TSPAN12: variants seen among roughly 807,000 people sequenced by gnomAD.
TSPAN12 encodes tetraspanin-12.
TSPAN12 carries 19 observed loss-of-function variants against 39.2 expected under a neutral mutation model. The observed-to-expected ratio is 0.49, with a 90% CI of 0.34 to 0.71. The LOEUF (loss-of-function observed/expected upper bound fraction) is 0.71, where lower values mean the gene tolerates loss of function less well. TSPAN12 is among the 30% of genes least tolerant of loss of function. The pLI is 0.01. For synonymous variants in TSPAN12, 119 were observed against 124.8 expected, an observed-to-expected ratio of 0.95 and a Z score of 0.31; for missense variants, 314 against 359.9, an observed-to-expected ratio of 0.87 and a Z score of 1.03.
chr7:120,844,360 C>G (rs1794633838), intron 2 of TSPAN12, among the ~76,000 whole-genome samples: 1 of 152,162 alleles, frequency 6.6e-6, no homozygotes. Flanking sequence ...AACAGTCCCC[C>G]AAAGTCTTAC....
At chr7:120,794,322 C>T (rs1793589773) in intron 7 of TSPAN12, among the ~76,000 whole-genome samples, 1 of 152,146 alleles carries the variant, frequency 6.6e-6, no homozygotes, top group African/African-American at 2.4e-5. Context: ...TTTGTCCCCA[C>T]CCAAGTCTCA....
intron 5 of TSPAN12, among the ~76,000 whole-genome samples, chr7:120,812,055 A>G (rs2116372036): frequency 6.6e-6 from 1 of 152,344 alleles, no homozygotes; most frequent in Admixed American, 6.5e-5. Flanking sequence ...ATTGAAATAA[A>G]AAAATTAAAA....
Position 120,838,870 on chromosome 7 carries a change from A to G in TSPAN12, c.192T>C (p.His64=), listed in dbSNP as rs780677498. 1.2e-6 allele frequency: 2 copies of G among 1,614,070 alleles called. No individual in the cohort carries two copies. The highest frequency in any genetic ancestry group is 2.2e-5 in the South Asian group (2 of 91,084). ...AACAGCAAACAGCAATCATGACCGG[A>G]TGAACCACAGGAAAGTAAGTCAAAA... ...AVILTYFPVV[H]PVMIAVCCFL... is the part of the protein sequence containing the mutation. Residue 64 remains histidine, a synonymous_variant, in exon 4 of 8, where the codon CAT becomes CAC. Coordinates refer to ENST00000222747, the MANE Select transcript of TSPAN12 (RefSeq NM_012338.4).
chr7:120,823,926 T>C (rs1408203432), intron 4 of TSPAN12, among the ~76,000 whole-genome samples: 1 of 152,118 alleles, frequency 6.6e-6, no homozygotes, highest in Non-Finnish European at 1.5e-5. Context: ...GAGAAAAGTC[T>C]TGGTAGCTGA....
intron 6 of TSPAN12, among the ~76,000 whole-genome samples, chr7:120,808,724 G>A (rs1488892135): frequency 6.6e-6 from 1 of 152,154 alleles, no homozygotes; most frequent in Non-Finnish European, 1.5e-5. Context: ...GTTGCGGTAT[G>A]TGCATAGAAT....
Position 120,843,045 on chromosome 7 carries a change from T to C in TSPAN12, c.67-2936A>G, listed in dbSNP as rs571806387. Among the ~76,000 whole-genome samples the C allele has an allele frequency of 4.6e-5, 7 of 152,208 alleles. No individual in the cohort carries two copies. The South Asian group carries it at 1.5e-3, about 32-fold the overall frequency. On this transcript the variant is annotated intron_variant, in intron 2 of 7. Coordinates refer to ENST00000222747, the MANE Select transcript of TSPAN12 (RefSeq NM_012338.4). ...ATTAATCTGTATTTTAATCCACAAA[T>C]TAGAATACAGTTTAATATTCTGAAA... is the stretch of plus-strand genomic sequence containing the variant.
At chr7:120,790,179 GT>G (rs1793494680) in intron 7 of TSPAN12, among the ~76,000 whole-genome samples, 2 of 152,128 alleles carry the variant, frequency 1.3e-5, no homozygotes, top group South Asian at 4.2e-4. Flanking sequence ...CTCACTCCTT[GT>G]GTGTTCGCAT....
chr7:120,823,385 G>A (rs1794225613), intron 4 of TSPAN12, among the ~76,000 whole-genome samples: 1 of 151,912 alleles, frequency 6.6e-6, no homozygotes, highest in Non-Finnish European at 1.5e-5. Context: ...ATTCAGAGTT[G>A]AATTAAACAT....
chr7:120,828,207 G>A (rs939071898), intron 4 of TSPAN12, among the ~76,000 whole-genome samples: 1 of 152,254 alleles, frequency 6.6e-6, no homozygotes, highest in Admixed American at 6.5e-5. Flanking sequence ...TTAGCCAAGA[G>A]TAACAAGACC....
chr7:120,816,567 C>G (rs575423652), intron 4 of TSPAN12, among the ~76,000 whole-genome samples: 1 of 152,074 alleles, frequency 6.6e-6, no homozygotes, highest in African/African-American at 2.4e-5. Context: ...AATCGGGGAA[C>G]AGGAAACAGA....
At chr7:120,844,074 A>G (rs1239205824) in intron 2 of TSPAN12, among the ~76,000 whole-genome samples, 1 of 152,084 alleles carries the variant, frequency 6.6e-6, no homozygotes, top group Non-Finnish European at 1.5e-5. Context: ...CACATCTTAC[A>G]TGGCCAGAGC....
intron 5 of TSPAN12, among the ~76,000 whole-genome samples, chr7:120,812,950 T>C (rs1039557567): frequency 6.6e-6 from 1 of 152,200 alleles, no homozygotes; most frequent in Non-Finnish European, 1.5e-5. Context: ...TTAGTTAATA[T>C]ATCAATTTTT....
chr7:120,806,383 T>C (rs1240371218), intron 7 of TSPAN12, among the ~76,000 whole-genome samples, 166 bp downstream of exon 7: 1 of 152,160 alleles, frequency 6.6e-6, no homozygotes, highest in Non-Finnish European at 1.5e-5. Context: ...TTTAGATTTT[T>C]ATATTGTTTT....
chr7:120,794,919 A>G (rs1013419659), intron 7 of TSPAN12, among the ~76,000 whole-genome samples: 1 of 152,236 alleles, frequency 6.6e-6, no homozygotes, highest in African/African-American at 2.4e-5. Context: ...CCCTGAGCAT[A>G]TTTTGAGCCA....
At chr7:120,847,488 T>TA (rs1178481150) in intron 2 of TSPAN12, among the ~76,000 whole-genome samples, 2 of 152,194 alleles carry the variant, frequency 1.3e-5, no homozygotes, top group Non-Finnish European at 2.9e-5. Flanking sequence ...ACACTAAACT[T>TA]ACCTCCATTC....
intron 7 of TSPAN12, among the ~76,000 whole-genome samples, chr7:120,792,220 G>A (rs1793540940): frequency 6.6e-6 from 1 of 152,188 alleles, no homozygotes; most frequent in South Asian, 2.1e-4. Flanking sequence ...GAATGGGGTT[G>A]CAGCTCCTTC....
intron 4 of TSPAN12, among the ~76,000 whole-genome samples, chr7:120,826,697 A>G (rs185744594): frequency 2.0e-5 from 3 of 152,238 alleles, no homozygotes; most frequent in Admixed American, 2.0e-4. Flanking sequence ...GAGGGGAATG[A>G]GTTCACTATA....
chr7:120,825,443 G>T (rs1466484029), intron 4 of TSPAN12, among the ~76,000 whole-genome samples: 2 of 152,078 alleles, frequency 1.3e-5, no homozygotes, highest in African/African-American at 4.8e-5. Context: ...CACTTTACTG[G>T]ACATTTTAAT....
chr7:120,793,356 C>A (rs540096959), intron 7 of TSPAN12, among the ~76,000 whole-genome samples: 1 of 152,338 alleles, frequency 6.6e-6, no homozygotes, highest in African/African-American at 2.4e-5. Context: ...GAAATGTAGA[C>A]ATGCAATTGT....
Sources: gnomAD v4.1 joint callset for allele counts (sites outside exome capture counted in the v4.1 genomes callset) on GRCh38, gnomAD v4.1.1 for gene constraint, MANE v1.5 for transcripts, NCBI Gene and HGNC (gene_info 2026-07-23, HGNC 2026-07-21) for gene names.